AVEN: variants seen among roughly 807,000 people sequenced by gnomAD.
The protein encoded by AVEN is apoptosis and caspase activation inhibitor, also known as cell death regulator Aven.
A neutral mutation model predicts 38.1 loss-of-function variants in AVEN; 41 were observed. The observed-to-expected ratio is 1.08, with a 90% CI of 0.84 to 1.40. The LOEUF is 1.40. Ranked by LOEUF, AVEN falls within the 40% of genes most tolerant of loss-of-function variation. The probability of loss-of-function intolerance (pLI) is 0.00; values close to 1 mark genes in which losing one functional copy is unlikely to be tolerated. For missense variants in AVEN, 605 were observed against 438.8 expected, an observed-to-expected ratio of 1.38 and a Z score of -3.38; for synonymous variants, 206 against 171.8, an observed-to-expected ratio of 1.20 and a Z score of -1.56.
intron 5 of AVEN, 76 bp from the exon 6 acceptor site, chr15:33,866,804 C>T (rs1174585918): frequency 9.7e-6 from 10 of 1,034,352 alleles, no homozygotes; most frequent in African/African-American, 1.6e-5. Context: ...CAATTTATTA[C>T]TTTCCTTACA....
At chr15:33,967,951 A>G (rs1365023002) in intron 2 of AVEN, among the ~76,000 whole-genome samples, 4 of 151,208 alleles carry the variant, frequency 2.6e-5, no homozygotes, top group Admixed American at 2.0e-4. Context: ...AAAAAAAAAA[A>G]GGCAGCCTTT....
chr15:34,011,083 T>G (rs1448450541), intron 1 of AVEN, among the ~76,000 whole-genome samples: 2 of 152,018 alleles, frequency 1.3e-5, no homozygotes, highest in Non-Finnish European at 2.9e-5. Context: ...TACCTGCACT[T>G]TGGGAGGCCT....
chr15:34,064,190 C>A, intron 4 of AVEN: 6 of 1,614,158 alleles, frequency 3.7e-6, no homozygotes, highest in Non-Finnish European at 5.1e-6. Context: ...GCACTGTCAA[C>A]CCCATCTGCT....
intron 2 of AVEN, among the ~76,000 whole-genome samples, chr15:33,920,476 T>C (rs1257832929): frequency 3.9e-5 from 6 of 152,216 alleles, no homozygotes. Context: ...CCACTACTTG[T>C]TGTCAATATC....
intron 2 of AVEN, chr15:33,990,640 C>A (rs961753711): frequency 6.6e-6 from 1 of 152,184 alleles, no homozygotes; most frequent in African/African-American, 2.4e-5. Flanking sequence ...TGCTAGCGAT[C>A]CTATGGCTCG....
At position 34,063,351 on chromosome 15, in the gene AVEN, C is replaced by A. The variant is rs1597395945; in HGVS notation, n.1208G>T. ...CATCCCTGTTTCTGTCATGACCATC[C>A]TCTACTGTCGAATCTACCGGGAAAC... On this transcript the variant is annotated non_coding_transcript_exon_variant, in exon 5 of 12. Coordinates refer to the AVEN transcript ENST00000675287. The surrounding 1 kb of genome is among the most constrained non-coding windows in gnomAD (Gnocchi z 4.1). The A allele has an allele frequency of 5.0e-6, 8 of 1,614,130 alleles. No individual in the cohort carries two copies. The East Asian group carries it at 1.8e-4, about 36-fold the overall frequency.
downstream of AVEN, among the ~76,000 whole-genome samples, chr15:33,857,584 C>A (rs9806577): frequency 6.6e-6 from 1 of 152,116 alleles, no homozygotes; most frequent in Non-Finnish European, 1.5e-5. Flanking sequence ...AGGAAGCCCG[C>A]TTCTCTTTAC....
chr15:33,864,238 T>C, downstream of AVEN: 1 of 1,446,710 alleles, frequency 6.9e-7, no homozygotes, highest in African/African-American at 1.5e-5. Flanking sequence ...CTTTCCTAAA[T>C]CTTGAGACTT....
At chr15:34,002,385 T>C (rs1367684561) in intron 2 of AVEN, among the ~76,000 whole-genome samples, 1 of 151,864 alleles carries the variant, frequency 6.6e-6, no homozygotes, top group East Asian at 1.9e-4. Flanking sequence ...TTTAAACTCT[T>C]ACGCCACACC....
chr15:34,005,746 A>G (rs1897312457), intron 1 of AVEN, among the ~76,000 whole-genome samples: 1 of 152,232 alleles, frequency 6.6e-6, no homozygotes, highest in Non-Finnish European at 1.5e-5. Flanking sequence ...CAAATTTAAC[A>G]CTAGTCAATA....
chr15:34,014,133 T>C (rs112314715), intron 1 of AVEN, among the ~76,000 whole-genome samples: 11 of 152,016 alleles, frequency 7.2e-5, no homozygotes, highest in Non-Finnish European at 1.2e-4. Flanking sequence ...GAGGCCAACA[T>C]GGGCGGATCA....
chr15:34,066,061 C>T (rs1900502311), exon 4 of AVEN: 1 of 152,274 alleles, frequency 6.6e-6, no homozygotes. Flanking sequence ...AGTAGAATCT[C>T]AGGCAGGACG....
intron 2 of AVEN, among the ~76,000 whole-genome samples, chr15:33,933,447 A>G (rs540591065): frequency 4.6e-5 from 7 of 150,718 alleles, no homozygotes; most frequent in Admixed American, 4.0e-4. Context: ...AAACACTCCA[A>G]TTGAATTAGG....
At chr15:33,871,337 C>T (rs1331953524) in intron 3 of AVEN, among the ~76,000 whole-genome samples, 2 of 152,064 alleles carry the variant, frequency 1.3e-5, no homozygotes, top group African/African-American at 2.4e-5. Context: ...GAGGCCGAGG[C>T]GGGTGAATCA....
rs868336002 is a variant in AVEN, at chr15:33,933,406, T to C, written c.446-57411A>G. On this transcript the variant is annotated intron_variant, in intron 2 of 5. Coordinates refer to ENST00000306730, the MANE Select transcript of AVEN (RefSeq NM_020371.3). ...AGAGAAATGAATGTGGATGCTAAAC[T>C]GGACTAGATGGTATCTCCCCCTCTC... 2.6e-4 allele frequency among the ~76,000 whole-genome samples: 40 copies of C among 151,896 alleles called. No individual in the cohort carries two copies. The East Asian group carries it at 4.5e-3, about 17-fold the overall frequency.
At position 33,983,170 on chromosome 15, in the gene AVEN, G is replaced by GTGTGTGTATA. The variant is rs796742277; in HGVS notation, c.445+19861_445+19862insTATACACACA. Among the ~76,000 whole-genome samples, 11 of 126,606 alleles carry GTGTGTGTATA rather than the reference G, an allele frequency of 8.7e-5. 1 individual carries two copies. The highest frequency in any genetic ancestry group is 6.8e-4 in the East Asian group (3 of 4,390). The allele number at this position is 126,606 out of a possible 152,430, so 83.1% of individuals were successfully genotyped here. A position where few individuals can be genotyped will look rare whatever the true frequency, so the allele number is the denominator to read the frequency against. On this transcript the variant is annotated intron_variant, in intron 2 of 5. Transcript: ENST00000306730. ...TGTGTGTGTGTGTGTATGTGTGTGT[G>GTGTGTGTATA]TATATATACACACGTGTGTGTATGT...
At chr15:33,890,169 A>G (rs1372315953) in intron 2 of AVEN, among the ~76,000 whole-genome samples, 1 of 152,192 alleles carries the variant, frequency 6.6e-6, no homozygotes, top group African/African-American at 2.4e-5. Context: ...TACACATTAT[A>G]TGTTCAGTAG....
At chr15:33,929,225 G>A (rs1206122909) in intron 2 of AVEN, among the ~76,000 whole-genome samples, 1 of 152,116 alleles carries the variant, frequency 6.6e-6, no homozygotes, top group Non-Finnish European at 1.5e-5. Flanking sequence ...GCAGTTCTTT[G>A]AGGCATTCTG....
rs79850169 is a variant in AVEN, at chr15:33,956,289, A to G, written c.445+46743T>C. On this transcript the variant is annotated intron_variant, in intron 2 of 5. Coordinates refer to ENST00000306730, the MANE Select transcript of AVEN (RefSeq NM_020371.3). ...CCATTTCCATCTCCCCGCTCCTCCA[A>G]TTCCCCTCAACTTGAAATGCCCTTC... Among the ~76,000 whole-genome samples, 891 of 152,002 alleles carry G rather than the reference A, an allele frequency of 5.9e-3. 6 individuals carry two copies. Among genetic ancestry groups the G allele is most frequent in the African/African-American group, 0.021 (853 of 41,440 alleles).
Sources: allele counts gnomAD v4.1 joint callset (sites outside exome capture counted in the v4.1 genomes callset), GRCh38; gene constraint gnomAD v4.1.1; non-coding constraint Gnocchi (gnomAD v3.1); transcripts MANE v1.5; gene names NCBI Gene and HGNC (gene_info 2026-07-23, HGNC 2026-07-21).